The following RAPGEF6 variants were observed in gnomAD, a reference collection of about 807,000 sequenced individuals.
RAPGEF6 encodes the protein Rap guanine nucleotide exchange factor 6.
In RAPGEF6, 56 loss-of-function variants were observed where a neutral mutation model predicts 171.4. The ratio of observed to expected loss-of-function variants is 0.33; its 90% CI spans 0.26 to 0.41. RAPGEF6 has a LOEUF of 0.41. RAPGEF6 is among the 10% of genes least tolerant of loss of function. The pLI is 1.00. For synonymous variants in RAPGEF6, 692 were observed against 650.1 expected (o/e 1.06, Z -0.98); for missense variants, 1,674 against 1,921.4 (o/e 0.87, Z 2.41).
At chr5:131,598,754 C>T (rs2150009922) in intron 3 of RAPGEF6, among the ~76,000 whole-genome samples, 1 of 152,316 alleles carries the variant, frequency 6.6e-6, no homozygotes, top group Non-Finnish European at 1.5e-5. Context: ...GAAGAATATA[C>T]ATGTTTGCAG....
chr5:131,524,003 A>G (rs934173908), intron 6 of RAPGEF6, among the ~76,000 whole-genome samples: 5 of 152,238 alleles, frequency 3.3e-5, no homozygotes, highest in Admixed American at 2.6e-4. Context: ...AAGCCAGAAG[A>G]CAATTGAGTG....
chr5:131,504,502 T>G (rs1757224189), intron 11 of RAPGEF6, 124 bp downstream of exon 11: 8 of 1,049,256 alleles, frequency 7.6e-6, no homozygotes, highest in Middle Eastern at 4.3e-4. Context: ...AGAGTCAACA[T>G]TTAAGTTAGA....
chr5:131,432,285 G>T (rs1386600454), intron 25 of RAPGEF6, among the ~76,000 whole-genome samples: 1 of 152,108 alleles, frequency 6.6e-6, no homozygotes, highest in Non-Finnish European at 1.5e-5. Flanking sequence ...GCAAACTACA[G>T]CCCAGGGCCA....
chr5:131,441,920 A>G (rs925374661), intron 23 of RAPGEF6, among the ~76,000 whole-genome samples: 3 of 152,226 alleles, frequency 2.0e-5, no homozygotes, highest in African/African-American at 7.2e-5. Flanking sequence ...ATATTTTATA[A>G]AAGTTATATT....
chr5:131,599,596 T>C (rs1309864926), intron 3 of RAPGEF6, among the ~76,000 whole-genome samples: 3 of 152,168 alleles, frequency 2.0e-5, no homozygotes, highest in Non-Finnish European at 1.5e-5. Flanking sequence ...TTTCAATAAA[T>C]GGTGCTGGAT....
intron 6 of RAPGEF6, among the ~76,000 whole-genome samples, chr5:131,546,900 G>A (rs1007486432): frequency 6.6e-6 from 1 of 152,216 alleles, no homozygotes; most frequent in Admixed American, 6.5e-5. Flanking sequence ...ATATAACTGT[G>A]TAATAGGAAC....
chr5:131,567,092 T>G (rs1482926006), intron 4 of RAPGEF6, among the ~76,000 whole-genome samples: 1 of 90,606 alleles, frequency 1.1e-5, no homozygotes, highest in African/African-American at 3.2e-5. Context: ...AAAACTCTTG[T>G]CTCAAAAAAA....
At chr5:131,625,323 G>A (rs546579839) in intron 1 of RAPGEF6, among the ~76,000 whole-genome samples, 1 of 152,238 alleles carries the variant, frequency 6.6e-6, no homozygotes, top group Admixed American at 6.5e-5. Flanking sequence ...TAGGGCATAT[G>A]GACTTTATGT....
At chr5:131,489,488 C>T in intron 15 of RAPGEF6, 58 bp downstream of exon 15, 1 of 1,013,190 alleles carries the variant, frequency 9.9e-7, no homozygotes. Context: ...ACTGTAATGA[C>T]TTTTCTATTA....
In RAPGEF6 at chr5:131,592,509, A is replaced by T. The variant is rs188003093; in HGVS notation, c.198-43T>A. The stretch of plus-strand genomic sequence containing the variant: ...TAAATAAATGAGCAAAACAACACAC[A>T]TGTTCATATGTATATGAATTCAATA... On this transcript the variant is annotated intron_variant, in intron 3 of 27. Transcript: ENST00000509018. 325 of 1,589,484 alleles carry T rather than the reference A, an allele frequency of 2.0e-4. 2 individuals carry two copies. The Admixed American group carries it at 2.5e-3, about 12-fold the overall frequency.
At chr5:131,562,599 G>A (rs1018566211) in intron 4 of RAPGEF6, among the ~76,000 whole-genome samples, 8 of 152,200 alleles carry the variant, frequency 5.3e-5, no homozygotes. Flanking sequence ...AACATAAAAT[G>A]ATGTAGCATT....
intron 1 of RAPGEF6, among the ~76,000 whole-genome samples, chr5:131,611,762 C>T (rs1764947115): frequency 6.6e-6 from 1 of 152,128 alleles, no homozygotes. Context: ...TTGAGTCCAA[C>T]CATCTTGTTA....
intron 17 of RAPGEF6, among the ~76,000 whole-genome samples, chr5:131,467,547 C>T (rs1754444136): frequency 6.6e-6 from 1 of 152,194 alleles, no homozygotes; most frequent in Non-Finnish European, 1.5e-5. Context: ...AGGAAAACCA[C>T]ATACATGCCA....
intron 5 of RAPGEF6, among the ~76,000 whole-genome samples, chr5:131,560,930 CTTACA>C (rs1761558070): frequency 6.6e-6 from 1 of 152,170 alleles, no homozygotes; most frequent in East Asian, 1.9e-4. Flanking sequence ...GTTTTGAGCC[CTTACA>C]TTAAAATGCT....
At chr5:131,534,208 T>G (rs1436820895) in intron 6 of RAPGEF6, among the ~76,000 whole-genome samples, 1 of 152,116 alleles carries the variant, frequency 6.6e-6, no homozygotes, top group East Asian at 1.9e-4. Flanking sequence ...AGACAGGTCT[T>G]TTAACAAAGG....
At chr5:131,431,771 G>A (rs928811427) in intron 25 of RAPGEF6, among the ~76,000 whole-genome samples, 14 of 151,930 alleles carry the variant, frequency 9.2e-5, no homozygotes, top group African/African-American at 3.4e-4. Flanking sequence ...ATGGACCAGA[G>A]GTATGCCTGG....
rs71000991 is a variant in RAPGEF6 at position 131,495,313 on chromosome 5, C to CAATAAATA, written c.1527+232_1527+239dup. The stretch of plus-strand genomic sequence containing the variant: ...GTCTCAAAAAAAAAACAAATAAATA[C>CAATAAATA]AATAAATAAATAAATAAATATAAAT... On this transcript the variant is annotated intron_variant, in intron 13 of 27. Transcript: ENST00000509018. Among the ~76,000 whole-genome samples the CAATAAATA allele has an allele frequency of 7.6e-4, 112 of 147,662 alleles. 1 individual carries two copies. Among genetic ancestry groups the CAATAAATA allele is most frequent in the African/African-American group, 1.7e-3 (67 of 40,542 alleles).
At chr5:131,450,057 G>A in intron 21 of RAPGEF6, 1 of 1,542,246 alleles carries the variant, frequency 6.5e-7, no homozygotes, top group Non-Finnish European at 8.7e-7. Context: ...CTGTAAGCAA[G>A]AGCCACAAAC....
chr5:131,604,671 T>G lies in RAPGEF6; in HGVS notation c.92A>C (p.Tyr31Ser). ...TPEDLNTIYS[Y>S]LHGMEILSNL... The stretch of plus-strand genomic sequence containing the variant: ...TGATAATATTTCCATTCCATGAAGA[T>G]AAGAATAAATAGTATTTAAGTCCTG... The change falls in exon 2 of 28, where the codon TAT (tyrosine) becomes TCT (serine). Residue 31 changes from tyrosine to serine, a missense_variant. By Grantham distance (144) the Tyr-to-Ser change is moderately radical. Coordinates refer to ENST00000509018, the MANE Select transcript of RAPGEF6 (RefSeq NM_016340.6). 6.2e-7 allele frequency: 1 copy of G among 1,611,136 alleles called. No individual in the cohort carries two copies. Among genetic ancestry groups the G allele is most frequent in the African/African-American group, 1.3e-5 (1 of 74,916 alleles).
Sources: gnomAD v4.1 joint callset for allele counts (sites outside exome capture counted in the v4.1 genomes callset) on GRCh38, gnomAD v4.1.1 for gene constraint, MANE v1.5 for transcripts, NCBI Gene and HGNC (gene_info 2026-07-23, HGNC 2026-07-21) for gene names.